Variants in CNTNAP5 observed in about 807,000 individuals in gnomAD.
CNTNAP5 encodes the protein contactin associated protein family member 5.
Under a neutral mutation model 150.2 loss-of-function variants are expected in CNTNAP5, and 72 were observed. The ratio of observed to expected loss-of-function variants is 0.48; its 90% confidence interval spans 0.40 to 0.58. CNTNAP5 has a LOEUF of 0.58. CNTNAP5 is among the 20% of genes least tolerant of loss of function. The pLI is 0.00. For synonymous variants in CNTNAP5, 672 were observed against 619.8 expected (o/e 1.08, Z -1.25); for missense variants, 1,636 against 1,626.2 (o/e 1.01, Z -0.10).
At chr2:124,886,324 T>G (rs11687456) in intron 21 of CNTNAP5, among the ~76,000 whole-genome samples, 15,265 of 152,084 alleles carry the variant, frequency 0.1, 1,063 homozygotes, top group Non-Finnish European at 0.14. Context: ...AGTGGTGGAA[T>G]TGGAGGCAGG....
intron 8 of CNTNAP5, among the ~76,000 whole-genome samples, chr2:124,515,902 T>C (rs2104876985): frequency 6.6e-6 from 1 of 152,324 alleles, no homozygotes; most frequent in South Asian, 2.1e-4. Context: ...TTTCATTCTC[T>C]GGGCTCCATG....
At chr2:124,538,089 G>A (rs1695282968) in intron 10 of CNTNAP5, among the ~76,000 whole-genome samples, 1 of 152,162 alleles carries the variant, frequency 6.6e-6, no homozygotes, top group South Asian at 2.1e-4. Flanking sequence ...CTGTATTTTT[G>A]CGATTGAGGT....
intron 19 of CNTNAP5, among the ~76,000 whole-genome samples, chr2:124,835,097 C>A (rs1459263726): frequency 6.6e-6 from 1 of 151,904 alleles, no homozygotes; most frequent in African/African-American, 2.4e-5. Context: ...ATCTAACTAC[C>A]AATAGATACT....
intron 1 of CNTNAP5, among the ~76,000 whole-genome samples, chr2:124,159,404 T>C (rs867712644): frequency 2.0e-5 from 3 of 152,320 alleles, no homozygotes; most frequent in African/African-American, 7.2e-5. Context: ...ATAGACAATA[T>C]GTAAATGAAT....
chr2:124,538,472 ACT>A (rs1277833080), intron 10 of CNTNAP5, among the ~76,000 whole-genome samples: 2 of 151,738 alleles, frequency 1.3e-5, no homozygotes, highest in Admixed American at 1.3e-4. Flanking sequence ...AGTGTGTGAG[ACT>A]CTGTCAGAAA....
intron 13 of CNTNAP5, among the ~76,000 whole-genome samples, chr2:124,666,764 C>A (rs116002751): frequency 6.6e-6 from 1 of 152,218 alleles, no homozygotes; most frequent in Admixed American, 6.5e-5. Context: ...GCCATCACCT[C>A]ACTCTGCAAG....
At chr2:124,468,976 G>A (rs907860035) in intron 6 of CNTNAP5, among the ~76,000 whole-genome samples, 1 of 152,212 alleles carries the variant, frequency 6.6e-6, no homozygotes, top group African/African-American at 2.4e-5. Context: ...CAGGCTTGCA[G>A]CCATCACTGC....
chr2:124,808,315 C>A (rs314715), intron 19 of CNTNAP5, among the ~76,000 whole-genome samples: 88,704 of 151,962 alleles, frequency 0.58, 26,862 homozygotes, highest in East Asian at 0.83. Context: ...TTCAAAATGA[C>A]ATAAAGCAGG....
chr2:124,488,855 G>A (rs1296584940), intron 7 of CNTNAP5, among the ~76,000 whole-genome samples: 1 of 152,172 alleles, frequency 6.6e-6, no homozygotes, highest in African/African-American at 2.4e-5. Flanking sequence ...ACACTTAAGA[G>A]ATCTGTTGCA....
intron 13 of CNTNAP5, among the ~76,000 whole-genome samples, chr2:124,687,279 G>A (rs555861766): frequency 6.6e-6 from 1 of 151,968 alleles, no homozygotes; most frequent in Admixed American, 6.6e-5. Flanking sequence ...TTATAAGAGG[G>A]AGTCTGGATT....
At chr2:124,381,298 T>G (rs921248731) in intron 3 of CNTNAP5, among the ~76,000 whole-genome samples, 1 of 152,136 alleles carries the variant, frequency 6.6e-6, no homozygotes, top group Non-Finnish European at 1.5e-5. Context: ...GATGTGATCT[T>G]TTTTATTCTA....
chr2:124,548,526 G>A (rs1695563557), intron 10 of CNTNAP5, among the ~76,000 whole-genome samples: 1 of 152,146 alleles, frequency 6.6e-6, no homozygotes, highest in Non-Finnish European at 1.5e-5. Flanking sequence ...CAGCTCCTGT[G>A]GTTGGCAACA....
At chr2:124,131,967 C>T (rs1683860788) in intron 1 of CNTNAP5, among the ~76,000 whole-genome samples, 1 of 152,070 alleles carries the variant, frequency 6.6e-6, no homozygotes, top group African/African-American at 2.4e-5. Context: ...GGGCTTCGTC[C>T]TCTCCTGGAA....
At chr2:124,397,145 A>T (rs1691271338) in intron 3 of CNTNAP5, among the ~76,000 whole-genome samples, 1 of 152,220 alleles carries the variant, frequency 6.6e-6, no homozygotes, top group Non-Finnish European at 1.5e-5. Flanking sequence ...CTGAATTTGC[A>T]TAGTGAGCAA....
chr2:124,560,337 G>A (rs969487253), intron 10 of CNTNAP5, among the ~76,000 whole-genome samples: 77 of 152,022 alleles, frequency 5.1e-4, no homozygotes, highest in African/African-American at 1.7e-3. Flanking sequence ...TAGTAGAGAT[G>A]GATAAACCTC....
chr2:124,757,789 A>C (rs551798268), intron 14 of CNTNAP5, among the ~76,000 whole-genome samples: 1 of 152,290 alleles, frequency 6.6e-6, no homozygotes, highest in African/African-American at 2.4e-5. Flanking sequence ...ACCAGTACAT[A>C]ATAAAGCAGC....
chr2:124,408,712 C>T (rs1490789902), intron 3 of CNTNAP5, among the ~76,000 whole-genome samples: 1 of 150,686 alleles, frequency 6.6e-6, no homozygotes, highest in Non-Finnish European at 1.5e-5. Context: ...ACAGAAAGGA[C>T]ATCCACACCA....
chr2:124,892,097 C>T (rs887808126), intron 21 of CNTNAP5, among the ~76,000 whole-genome samples: 1 of 152,124 alleles, frequency 6.6e-6, no homozygotes, highest in African/African-American at 2.4e-5. Flanking sequence ...AAGATACCAA[C>T]CTTGGACTGC....
chr2:124,093,032 G>A (rs766685999), intron 1 of CNTNAP5, among the ~76,000 whole-genome samples: 1 of 152,160 alleles, frequency 6.6e-6, no homozygotes, highest in Admixed American at 6.5e-5. Flanking sequence ...GTTGTTTGTT[G>A]GAGCACATAT....
Sources: gnomAD v4.1 joint callset for allele counts (sites outside exome capture counted in the v4.1 genomes callset) on GRCh38, gnomAD v4.1.1 for gene constraint, MANE v1.5 for transcripts, NCBI Gene and HGNC (gene_info 2026-07-23, HGNC 2026-07-21) for gene names.